Variants in TXNRD1 observed in about 807,000 individuals in gnomAD.
TXNRD1 encodes thioredoxin reductase 1, cytoplasmic.
In TXNRD1, 57 loss-of-function variants were observed where a neutral mutation model predicts 80.3. The ratio of observed to expected loss-of-function variants is 0.71; its 90% CI spans 0.57 to 0.89. The LOEUF (loss-of-function observed/expected upper bound fraction) is 0.89, where lower values mean the gene tolerates loss of function less well. Ranked by LOEUF, TXNRD1 falls within the 40% of genes least tolerant of loss-of-function variation. The pLI, the probability that TXNRD1 is intolerant of heterozygous loss-of-function variation, is 0.00. For missense variants in TXNRD1, 730 were observed against 803.0 expected, an observed-to-expected ratio of 0.91 and a Z score of 1.10; for synonymous variants, 291 against 285.2, an observed-to-expected ratio of 1.02 and a Z score of -0.20.
At chr12:104,319,121 G>A (rs897135313) in intron 8 of TXNRD1, 66 bp downstream of exon 8, 34 of 1,527,022 alleles carry the variant, frequency 2.2e-5, no homozygotes, top group Non-Finnish European at 2.9e-5. Flanking sequence ...GCTTTGGTTA[G>A]AAAATGTTAA....
chr12:104,294,487 G>T (rs1306746183), intron 4 of TXNRD1, among the ~76,000 whole-genome samples: 1 of 152,060 alleles, frequency 6.6e-6, no homozygotes, highest in Non-Finnish European at 1.5e-5. Context: ...CCTAGGCTAT[G>T]ATTATTGAGT....
rs779806072 is a variant in TXNRD1, at chr12:104,331,542, TG to T, written c.1552del (p.Glu518LysfsTer58). The stretch of plus-strand genomic sequence containing the variant: ...CCTCCATTTTTAAACAGTGTGACTA[TG>T]AAAATGTTCCAACCACTGTATTTAC... ...YAGSTVKCDY[E>X]NVPTTVFTPL... On this transcript the variant is annotated frameshift_variant, in exon 14 of 17. Coordinates refer to ENST00000525566, the MANE Select transcript of TXNRD1 (RefSeq NM_001093771.3). LOFTEE classifies it high-confidence loss of function. 1 of 1,606,760 alleles carries T rather than the reference TG, an allele frequency of 6.2e-7. No homozygotes were observed. The highest frequency in any genetic ancestry group is 8.5e-7 in the Non-Finnish European group (1 of 1,175,304).
At chr12:104,298,811 T>C in intron 4 of TXNRD1, among the ~76,000 whole-genome samples, 1 of 151,958 alleles carries the variant, frequency 6.6e-6, no homozygotes. Flanking sequence ...GTATACAGTT[T>C]TTTTTTTTAC....
intron 3 of TXNRD1, among the ~76,000 whole-genome samples, chr12:104,263,758 G>C (rs561211871): frequency 6.6e-6 from 1 of 152,304 alleles, no homozygotes; most frequent in South Asian, 2.1e-4. Flanking sequence ...TAGGGGTTCT[G>C]ATGTGTATTA....
intron 3 of TXNRD1, among the ~76,000 whole-genome samples, chr12:104,276,343 C>CA: frequency 1.3e-5 from 2 of 152,254 alleles, no homozygotes; most frequent in Admixed American, 1.3e-4. Context: ...GAAGAGAAGA[C>CA]AGAGAAGTGA....
At chr12:104,217,013 G>A (rs1330440719) in intron 1 of TXNRD1, among the ~76,000 whole-genome samples, 2 of 152,130 alleles carry the variant, frequency 1.3e-5, no homozygotes, top group African/African-American at 4.8e-5. Context: ...GGAAGCAGCC[G>A]GTGAGACCAT....
At chr12:104,276,163 G>T (rs1206613036) in intron 3 of TXNRD1, among the ~76,000 whole-genome samples, 1 of 152,192 alleles carries the variant, frequency 6.6e-6, no homozygotes, top group Non-Finnish European at 1.5e-5. Context: ...AAACGGCCCT[G>T]AATACAAGAT....
intron 3 of TXNRD1, among the ~76,000 whole-genome samples, chr12:104,270,237 A>C (rs2033625476): frequency 6.6e-6 from 1 of 152,228 alleles, no homozygotes; most frequent in South Asian, 2.1e-4. Context: ...CTTTGCCCAG[A>C]TCTGTCAGAG....
chr12:104,251,403 C>T (rs1447406716), intron 1 of TXNRD1, 124 bp from the exon 2 acceptor site: 11 of 944,414 alleles, frequency 1.2e-5, no homozygotes, highest in Non-Finnish European at 1.8e-5. Context: ...CTTCCTTCCT[C>T]AGATTCCTTA....
chr12:104,327,241 T>C (rs1479655974), intron 12 of TXNRD1, among the ~76,000 whole-genome samples: 3 of 152,238 alleles, frequency 2.0e-5, no homozygotes, highest in Non-Finnish European at 2.9e-5. Flanking sequence ...AGTTATAATT[T>C]AGAATCCTCA....
At chr12:104,267,045 T>C (rs901587140) in intron 3 of TXNRD1, among the ~76,000 whole-genome samples, 5 of 148,672 alleles carry the variant, frequency 3.4e-5, no homozygotes, top group Non-Finnish European at 7.4e-5. Context: ...CGGGCACCTG[T>C]AGTCCAGCTA....
chr12:104,255,874 T>C (rs577150532), intron 2 of TXNRD1, among the ~76,000 whole-genome samples: 1 of 152,332 alleles, frequency 6.6e-6, no homozygotes, highest in South Asian at 2.1e-4. Context: ...TCAAGTCTTC[T>C]AGATAAACAT....
intron 3 of TXNRD1, chr12:104,283,115 A>G (rs1344985952): frequency 6.6e-6 from 1 of 152,246 alleles, no homozygotes. Context: ...AGTGATGTTC[A>G]TTAATATTAA....
chr12:104,260,282 G>A (rs2033338742), intron 3 of TXNRD1, among the ~76,000 whole-genome samples: 1 of 151,850 alleles, frequency 6.6e-6, no homozygotes, highest in African/African-American at 2.4e-5. Flanking sequence ...AGCCTGACCA[G>A]TATGGAGAAA....
At chr12:104,341,081 G>A (rs73398413) in intron 16 of TXNRD1, among the ~76,000 whole-genome samples, 1,881 of 152,226 alleles carry the variant, frequency 0.012, 41 homozygotes, top group African/African-American at 0.043. Flanking sequence ...GCAGCATCTG[G>A]CAGGGTGACT....
In TXNRD1 at chr12:104,260,190, G is replaced by A. The variant is rs568113482; in HGVS notation, c.304+2111G>A. Among the ~76,000 whole-genome samples the A allele has an allele frequency of 1.3e-4, 19 of 151,934 alleles. No homozygotes were observed. In the East Asian group the frequency reaches 2.3e-3, roughly 19 times the overall value. On this transcript the variant is annotated intron_variant, in intron 3 of 16. Transcript: ENST00000525566. The stretch of plus-strand genomic sequence containing the variant: ...CTGTACTAAAAATACAAAATTAGCC[G>A]GGCATGGTGGCTCATGCCTCTAATC...
At chr12:104,310,256 T>C (rs1237143294) in intron 4 of TXNRD1, among the ~76,000 whole-genome samples, 2 of 151,350 alleles carry the variant, frequency 1.3e-5, no homozygotes, top group African/African-American at 2.4e-5. Context: ...TTCAAGCGCT[T>C]CTCCTGCCTC....
At chr12:104,300,039 T>G (rs1277028692) in intron 4 of TXNRD1, among the ~76,000 whole-genome samples, 1 of 152,214 alleles carries the variant, frequency 6.6e-6, no homozygotes, top group Non-Finnish European at 1.5e-5. Flanking sequence ...AAAATCCATT[T>G]GTTATAGGTA....
intron 4 of TXNRD1, 184 bp downstream of exon 4, chr12:104,289,224 A>C: frequency 3.8e-6 from 2 of 529,316 alleles, no homozygotes; most frequent in South Asian, 3.9e-5. Context: ...CGTTGGACAA[A>C]TTTCACATCT....
Sources: gnomAD v4.1 joint callset for allele counts (sites outside exome capture counted in the v4.1 genomes callset) on GRCh38, gnomAD v4.1.1 for gene constraint, MANE v1.5 for transcripts, NCBI Gene and HGNC (gene_info 2026-07-23, HGNC 2026-07-21) for gene names.